PRKN: variants seen among roughly 807,000 people sequenced by gnomAD.
PRKN encodes the protein parkin RBR E3 ubiquitin protein ligase.
Under a neutral mutation model 59.5 loss-of-function variants are expected in PRKN, and 56 were observed. The observed-to-expected ratio is 0.94, with a 90% CI of 0.76 to 1.18. The LOEUF (loss-of-function observed/expected upper bound fraction) is 1.18, where lower values mean the gene tolerates loss of function less well. PRKN is among the 50% of genes most tolerant of loss of function. PRKN has a pLI of 0.00. For missense variants in PRKN, 657 were observed against 596.4 expected, an observed-to-expected ratio of 1.10 and a Z score of -1.06; for synonymous variants, 250 against 222.1, an observed-to-expected ratio of 1.13 and a Z score of -1.12.
chr6:161,822,404 G>A (rs779825695), intron 6 of PRKN, among the ~76,000 whole-genome samples: 16 of 152,170 alleles, frequency 1.1e-4, no homozygotes, highest in Non-Finnish European at 1.5e-4. Flanking sequence ...GGCTGGGCAC[G>A]GTGGCTCACG....
At position 161,493,610 on chromosome 6, in the gene PRKN, G is replaced by T. The variant is rs575677861; in HGVS notation, c.1083+55244C>A. 1.4e-4 allele frequency among the ~76,000 whole-genome samples: 22 copies of T among 152,336 alleles called. No homozygotes were observed. The South Asian group carries it at 2.1e-3, about 14-fold the overall frequency. ...GCCTGAATATGTGGCAATGAACAAA[G>T]AAGGGCACAGATTACACGAAGAGCA... On this transcript the variant is annotated intron_variant, in intron 9 of 11. Transcript: ENST00000366898.
intron 1 of PRKN, among the ~76,000 whole-genome samples, chr6:162,567,341 C>T (rs954100627): frequency 6.6e-6 from 1 of 152,258 alleles, no homozygotes; most frequent in Middle Eastern, 3.4e-3. Flanking sequence ...TCCTTGTCTG[C>T]AGATGATATG....
In PRKN at chr6:161,373,143, G is replaced by A. The variant is rs1025631057; in HGVS notation, c.1168-12938C>T. ...TTTTTCTCTTCTCTGGGAAACCGAG[G>A]TCTTTGCTCGTCAGGCCTTCCATGG... On this transcript the variant is annotated intron_variant, in intron 10 of 11. Transcript: ENST00000366898. The surrounding 1 kb of genome is among the most constrained non-coding windows in gnomAD (Gnocchi z 4.8). Among the ~76,000 whole-genome samples, 2 of 152,110 alleles carry A rather than the reference G, an allele frequency of 1.3e-5. No individual in the cohort carries two copies. The highest frequency in any genetic ancestry group is 2.4e-5 in the African/African-American group (1 of 41,422).
chr6:161,649,582 T>C, intron 7 of PRKN, among the ~76,000 whole-genome samples: 1 of 152,214 alleles, frequency 6.6e-6, no homozygotes, highest in East Asian at 1.9e-4. Context: ...CATGGACCTA[T>C]TTCCTATGAA....
chr6:162,270,330 T>C (rs747559244), intron 2 of PRKN: 4 of 151,944 alleles, frequency 2.6e-5, no homozygotes, highest in Non-Finnish European at 5.9e-5. Flanking sequence ...CACAAAGACA[T>C]AAGCATGATA....
intron 7 of PRKN, among the ~76,000 whole-genome samples, chr6:161,659,889 A>T (rs1487192464): frequency 6.6e-6 from 1 of 152,160 alleles, no homozygotes; most frequent in Non-Finnish European, 1.5e-5. Flanking sequence ...CTGAGTCTGG[A>T]CAGAGATGTG....
At chr6:162,725,382 T>C (rs1406406554) in intron 1 of PRKN, among the ~76,000 whole-genome samples, 1 of 152,232 alleles carries the variant, frequency 6.6e-6, no homozygotes, top group Non-Finnish European at 1.5e-5. Flanking sequence ...CAAGGCTTCC[T>C]TTTAATGGTT....
At chr6:162,195,211 T>C (rs1447478506) in intron 4 of PRKN, among the ~76,000 whole-genome samples, 1 of 152,158 alleles carries the variant, frequency 6.6e-6, no homozygotes, top group Non-Finnish European at 1.5e-5. Flanking sequence ...GTCAATAACA[T>C]AAAATAATGC....
chr6:162,456,316 T>C (rs1200901592), intron 1 of PRKN, among the ~76,000 whole-genome samples: 1 of 152,142 alleles, frequency 6.6e-6, no homozygotes, highest in Non-Finnish European at 1.5e-5. Flanking sequence ...AATTAAGGGA[T>C]TTATTTCTAA....
intron 6 of PRKN, among the ~76,000 whole-genome samples, chr6:161,939,629 G>T (rs1779484480): frequency 6.6e-6 from 1 of 151,612 alleles, no homozygotes; most frequent in South Asian, 2.1e-4. Flanking sequence ...CTACTCGGGA[G>T]GCTGAGGCAG....
At chr6:162,332,432 T>A (rs1287876692) in intron 2 of PRKN, among the ~76,000 whole-genome samples, 1 of 152,140 alleles carries the variant, frequency 6.6e-6, no homozygotes. Flanking sequence ...CTGCCCTAAG[T>A]AAAGCCTCAA....
intron 1 of PRKN, among the ~76,000 whole-genome samples, chr6:162,576,718 A>C: frequency 6.7e-6 from 1 of 149,516 alleles, no homozygotes; most frequent in African/African-American, 2.5e-5. Flanking sequence ...AGGCTGAGGC[A>C]GGATAATTAC....
At chr6:161,872,833 G>A (rs1282808136) in intron 6 of PRKN, among the ~76,000 whole-genome samples, 2 of 152,020 alleles carry the variant, frequency 1.3e-5, no homozygotes, top group African/African-American at 4.8e-5. Context: ...CAGAGGAGAA[G>A]GAGACCTGTC....
chr6:161,622,026 T>A (rs1782922239), intron 7 of PRKN, among the ~76,000 whole-genome samples: 1 of 152,186 alleles, frequency 6.6e-6, no homozygotes. Flanking sequence ...TATCTCAGTA[T>A]CTGCTGGTGT....
At chr6:162,591,285 T>C (rs1328441107) in intron 1 of PRKN, among the ~76,000 whole-genome samples, 1 of 152,134 alleles carries the variant, frequency 6.6e-6, no homozygotes, top group African/African-American at 2.4e-5. Context: ...TTTTTGTTAG[T>C]ATCATCTAAA....
chr6:162,553,926 G>A (rs1408869675), intron 1 of PRKN, among the ~76,000 whole-genome samples: 3 of 149,866 alleles, frequency 2.0e-5, no homozygotes, highest in Non-Finnish European at 3.0e-5. Context: ...GGTGGATAAA[G>A]ACAGGAGTCA....
At chr6:162,467,068 T>C (rs1791452887) in intron 1 of PRKN, among the ~76,000 whole-genome samples, 1 of 152,184 alleles carries the variant, frequency 6.6e-6, no homozygotes, top group Non-Finnish European at 1.5e-5. Flanking sequence ...CGTTTATTTA[T>C]TAGTATTATG....
rs1007599743 is a variant in PRKN at position 161,547,350 on chromosome 6, T to C, written c.1083+1504A>G. On this transcript the variant is annotated intron_variant, in intron 9 of 11. Coordinates refer to ENST00000366898, the MANE Select transcript of PRKN (RefSeq NM_004562.3). This position sits in a 1 kb window ranked among gnomAD's most constrained non-coding sequence, Gnocchi z 4.0. ...GCATTTTGATTCACTTCTAAAATAA[T>C]TTGTCATGATTTGCAGCTTAAGTAT... Among the ~76,000 whole-genome samples, 2 of 152,226 alleles carry C rather than the reference T, an allele frequency of 1.3e-5. No homozygotes were observed. Among genetic ancestry groups the C allele is most frequent in the Non-Finnish European group, 2.9e-5 (2 of 68,040 alleles).
In PRKN at chr6:161,496,915, A is replaced by T. The variant is rs1777772346; in HGVS notation, c.1083+51939T>A. 3.3e-5 allele frequency among the ~76,000 whole-genome samples: 5 copies of T among 152,220 alleles called. 1 individual carries two copies. ...AGGGATTCTTCCCCATGGGTTTCAG[A>T]GGAACATGACCTTGGAGGCACCTTG... is the stretch of plus-strand genomic sequence containing the variant. On this transcript the variant is annotated intron_variant, in intron 9 of 11. Coordinates refer to ENST00000366898, the MANE Select transcript of PRKN (RefSeq NM_004562.3).
Sources: gnomAD v4.1 joint callset for allele counts (sites outside exome capture counted in the v4.1 genomes callset) on GRCh38, gnomAD v4.1.1 for gene constraint, Gnocchi (gnomAD v3.1) non-coding constraint, MANE v1.5 for transcripts, NCBI Gene and HGNC (gene_info 2026-07-23, HGNC 2026-07-21) for gene names.